Variants in CSNK1G3 observed in about 807,000 individuals in gnomAD.
CSNK1G3 encodes casein kinase 1 gamma 3.
Under a neutral mutation model 64.3 loss-of-function variants are expected in CSNK1G3, and 23 were observed. That is an observed-to-expected ratio of 0.36 (90% confidence interval 0.26 to 0.51). The LOEUF (loss-of-function observed/expected upper bound fraction) is 0.51. CSNK1G3 is among the 20% of genes least tolerant of loss of function. The probability of loss-of-function intolerance (pLI) is 0.96; values close to 1 mark genes in which losing one functional copy is unlikely to be tolerated. For missense variants in CSNK1G3, 357 were observed against 510.5 expected (o/e 0.70, Z 2.90); for synonymous variants, 158 against 162.2 (o/e 0.97, Z 0.20).
intron 4 of CSNK1G3, among the ~76,000 whole-genome samples, chr5:123,573,158 T>G (rs1788460712): frequency 6.6e-6 from 1 of 152,220 alleles, no homozygotes. Context: ...AAGTACTGTT[T>G]ATAATGTAAT....
chr5:123,519,794 G>C (rs183339362), intron 1 of CSNK1G3, among the ~76,000 whole-genome samples: 16 of 152,290 alleles, frequency 1.1e-4, no homozygotes, highest in Non-Finnish European at 1.2e-4. Flanking sequence ...TAGGAAGATT[G>C]AAATGCTCAA....
chr5:123,615,914 C>CA (rs1749369733), exon 13 of CSNK1G3: 1 of 151,660 alleles, frequency 6.6e-6, no homozygotes, highest in African/African-American at 2.4e-5. Flanking sequence ...AGTAAAGCTA[C>CA]ATTTTTTTAC....
chr5:123,564,636 CT>C (rs1786472716), intron 4 of CSNK1G3, among the ~76,000 whole-genome samples: 1 of 151,918 alleles, frequency 6.6e-6, no homozygotes, highest in Non-Finnish European at 1.5e-5. Context: ...TAAATTTTTA[CT>C]TGTTTGTAGG....
chr5:123,591,751 G>T (rs867691439), intron 10 of CSNK1G3, among the ~76,000 whole-genome samples: 2 of 151,986 alleles, frequency 1.3e-5, no homozygotes, highest in Non-Finnish European at 2.9e-5. Flanking sequence ...TTCTGCTATT[G>T]TAAAGCTACT....
intron 8 of CSNK1G3, 118 bp downstream of exon 8, chr5:123,588,629 A>G: frequency 1.4e-6 from 1 of 714,702 alleles, no homozygotes; most frequent in South Asian, 1.8e-5. Flanking sequence ...TAAAAATATG[A>G]TTTAAAGGTT....
At chr5:123,608,239 C>T (rs1260850734) in intron 12 of CSNK1G3, among the ~76,000 whole-genome samples, 1 of 152,152 alleles carries the variant, frequency 6.6e-6, no homozygotes, top group Non-Finnish European at 1.5e-5. Context: ...CACCCCACCC[C>T]ATTTACTAGA....
intron 6 of CSNK1G3, among the ~76,000 whole-genome samples, chr5:123,579,974 C>T (rs566387485): frequency 1.3e-5 from 2 of 151,942 alleles, no homozygotes; most frequent in African/African-American, 4.8e-5. Flanking sequence ...AGTTTGGATG[C>T]TGAGGAATTA....
intron 6 of CSNK1G3, among the ~76,000 whole-genome samples, chr5:123,581,341 CTTTTTGT>C (rs1021031724): frequency 7.1e-5 from 7 of 98,516 alleles, no homozygotes; most frequent in African/African-American, 2.6e-4. Context: ...AATAGATTCT[CTTTTTGT>C]TTTTTGGGTT....
chr5:123,614,219 G>A (rs1265802130), intron 12 of CSNK1G3, 123 bp from the exon 14 acceptor site: 2 of 783,302 alleles, frequency 2.6e-6, no homozygotes, highest in Non-Finnish European at 4.0e-6. Context: ...CTTCATTGGT[G>A]TAATCACTGT....
intron 6 of CSNK1G3, among the ~76,000 whole-genome samples, chr5:123,586,055 A>G (rs1030738908): frequency 1.3e-5 from 2 of 152,264 alleles, no homozygotes; most frequent in Non-Finnish European, 2.9e-5. Flanking sequence ...ATGTCTGTCA[A>G]CAGATGAATA....
At chr5:123,520,274 A>G (rs968114458) in intron 1 of CSNK1G3, among the ~76,000 whole-genome samples, 1 of 152,188 alleles carries the variant, frequency 6.6e-6, no homozygotes, top group African/African-American at 2.4e-5. Flanking sequence ...CTATACATGT[A>G]TACATAGATA....
At chr5:123,576,139 G>A (rs963136116) in intron 6 of CSNK1G3, among the ~76,000 whole-genome samples, 176 bp downstream of exon 6, 2 of 152,102 alleles carry the variant, frequency 1.3e-5, no homozygotes, top group African/African-American at 2.4e-5. Context: ...CTCTTTGAAA[G>A]TAAGTTACTA....
chr5:123,604,860 C>T (rs1450980214), intron 11 of CSNK1G3, 30 bp downstream of exon 12: 5 of 1,489,070 alleles, frequency 3.4e-6, no homozygotes, highest in Non-Finnish European at 4.6e-6. Context: ...GTTTTAGTAA[C>T]TTTTTGTTCT....
chr5:123,594,758 T>C (rs539228066), intron 10 of CSNK1G3, among the ~76,000 whole-genome samples: 2 of 152,274 alleles, frequency 1.3e-5, no homozygotes, highest in East Asian at 3.9e-4. Flanking sequence ...TATTAGTTCA[T>C]TTATAAAGCT....
rs1453550390 is a variant in CSNK1G3, at chr5:123,559,248, G to A, written c.289+1684G>A. ...TTATATAAGGGGGATTGGATGCCAC[G>A]GTGATGAAAAAAAAAACCAGATCTA... On this transcript the variant is annotated intron_variant, in intron 4 of 12. Coordinates refer to ENST00000345990, the Ensembl canonical transcript of CSNK1G3. Among the ~76,000 whole-genome samples the A allele has an allele frequency of 7.4e-5, 7 of 94,524 alleles. 1 individual carries two copies. Among genetic ancestry groups the A allele is most frequent in the African/African-American group, 3.8e-4 (6 of 15,890 alleles). The allele number at this position is 94,524 out of a possible 152,430, so 62.0% of individuals were successfully genotyped here. A position where few individuals can be genotyped will look rare whatever the true frequency, so the allele number is the denominator to read the frequency against.
In CSNK1G3 at chr5:123,520,076, T is replaced by C. The variant is rs943551539; in HGVS notation, c.-248+7506T>C. On this transcript the variant is annotated intron_variant, in intron 1 of 12. Transcript: ENST00000345990. ...GCTTGCCTCAAGCAGTCAACAACAATGACAACATCACACAGAAAGACAGGC... is the reference window on the plus strand; with the variant it reads ...GCTTGCCTCAAGCAGTCAACAACAACGACAACATCACACAGAAAGACAGGC... Among the ~76,000 whole-genome samples, 3 of 152,164 alleles carry C rather than the reference T, an allele frequency of 2.0e-5. No individual in the cohort carries two copies. In the South Asian group the frequency reaches 6.2e-4, roughly 32 times the overall value.
intron 4 of CSNK1G3, among the ~76,000 whole-genome samples, chr5:123,559,247 C>T (rs553610219): frequency 2.1e-5 from 2 of 95,152 alleles, no homozygotes; most frequent in East Asian, 4.4e-4. Flanking sequence ...TTGGATGCCA[C>T]GGTGATGAAA....
intron 1 of CSNK1G3, among the ~76,000 whole-genome samples, chr5:123,535,075 G>T (rs1364659302): frequency 1.3e-5 from 2 of 152,046 alleles, no homozygotes; most frequent in African/African-American, 4.8e-5. Context: ...ACGATGTAGC[G>T]GTAGGTTATG....
At chr5:123,558,156 C>T (rs1381132068) in intron 4 of CSNK1G3, among the ~76,000 whole-genome samples, 2 of 152,124 alleles carry the variant, frequency 1.3e-5, no homozygotes, top group East Asian at 3.8e-4. Context: ...GACATTGATT[C>T]AGACCAATGA....
Sources: allele counts gnomAD v4.1 joint callset (sites outside exome capture counted in the v4.1 genomes callset), GRCh38; gene constraint gnomAD v4.1.1; transcripts MANE v1.5; gene names NCBI Gene and HGNC (gene_info 2026-07-23, HGNC 2026-07-21).